Variants in CELF2 observed in about 807,000 individuals in gnomAD.
CELF2 encodes CUGBP Elav-like family member 2.
Under a neutral mutation model 62.6 loss-of-function variants are expected in CELF2, and 8 were observed. The ratio of observed to expected loss-of-function variants is 0.13; its 90% confidence interval spans 0.07 to 0.23. The LOEUF is 0.23. Ranked by LOEUF, CELF2 falls within the 10% of genes least tolerant of loss-of-function variation. The pLI is 1.00. For missense variants in CELF2, 333 were observed against 671.0 expected, an observed-to-expected ratio of 0.50 and a Z score of 5.56; for synonymous variants, 258 against 250.0, an observed-to-expected ratio of 1.03 and a Z score of -0.30.
the CELF2 span, among the ~76,000 whole-genome samples, chr10:10,721,863 T>C: frequency 6.6e-6 from 1 of 152,342 alleles, no homozygotes; most frequent in Non-Finnish European, 1.5e-5. Context: ...GAGCCTGGCA[T>C]GTGCAATGGG....
chr10:11,170,147 A>G (rs2068397648), intron 2 of CELF2, among the ~76,000 whole-genome samples: 1 of 152,190 alleles, frequency 6.6e-6, no homozygotes, highest in African/African-American at 2.4e-5. Flanking sequence ...TGTTCAGCAA[A>G]TGATAAGTTG....
chr10:10,700,333 T>C, the CELF2 span, among the ~76,000 whole-genome samples: 1 of 152,180 alleles, frequency 6.6e-6, no homozygotes, highest in African/African-American at 2.4e-5. Context: ...TCCAGTCACT[T>C]CCTTTTGGGA....
chr10:10,671,946 T>C, the CELF2 span, among the ~76,000 whole-genome samples: 1 of 152,130 alleles, frequency 6.6e-6, no homozygotes, highest in African/African-American at 2.4e-5. Flanking sequence ...GCCAGGCTGG[T>C]CTTGAACGCC....
the CELF2 span, among the ~76,000 whole-genome samples, chr10:10,584,630 T>C: frequency 6.6e-5 from 10 of 152,220 alleles, no homozygotes; most frequent in Non-Finnish European, 2.9e-5. Flanking sequence ...GTTTAATGCA[T>C]AGACACTGTA....
the CELF2 span, among the ~76,000 whole-genome samples, chr10:10,649,845 C>T: frequency 1.3e-5 from 2 of 152,160 alleles, no homozygotes; most frequent in Non-Finnish European, 2.9e-5. Context: ...AGAGTGATGC[C>T]TGAGAGGCTA....
the CELF2 span, among the ~76,000 whole-genome samples, chr10:10,561,890 C>T: frequency 6.6e-6 from 1 of 152,146 alleles, no homozygotes; most frequent in Admixed American, 6.5e-5. Context: ...TTCTTTTTCC[C>T]CCAGGGCCTA....
At position 11,142,963 on chromosome 10, in the gene CELF2, GGGGA is replaced by G. The variant is rs1485657486; in HGVS notation, c.75-22522_75-22519del. ...TGATTCTTCTGTCCTCCCTCCACTG[GGGGA>G]ACTCACTCCCCTCGTGATTCTTCTG... On this transcript the variant is annotated intron_variant, in intron 1 of 12. Transcript: ENST00000633077. Among the ~76,000 whole-genome samples, 280 of 150,520 alleles carry G rather than the reference GGGGA, an allele frequency of 1.9e-3. 5 individuals are homozygous for G. The highest frequency in any genetic ancestry group is 6.1e-3 in the African/African-American group (247 of 40,624).
the CELF2 span, among the ~76,000 whole-genome samples, chr10:10,593,936 G>A: frequency 1.3e-5 from 2 of 152,118 alleles, no homozygotes; most frequent in African/African-American, 2.4e-5. Context: ...TTACATATGG[G>A]GAGGCACATA....
In CELF2 at chr10:11,098,839, A is replaced by G. The variant is rs1374982462; in HGVS notation, c.75-66647A>G. ...TGGCTCTGCACCGGGTGATAATTCTACCTGGGCAGCAGGCCACGCGTGAGA... is the reference window on the plus strand; with the variant it reads ...TGGCTCTGCACCGGGTGATAATTCTGCCTGGGCAGCAGGCCACGCGTGAGA... On this transcript the variant is annotated intron_variant, in intron 1 of 12. Coordinates refer to ENST00000633077, the MANE Select transcript of CELF2 (RefSeq NM_001326342.2). This position sits in a 1 kb window ranked among gnomAD's most constrained non-coding sequence, Gnocchi z 4.0. 6.6e-6 allele frequency among the ~76,000 whole-genome samples: 1 copy of G among 152,150 alleles called. No homozygotes were observed.
chr10:10,842,257 G>A (rs895571622), intron 1 of CELF2, among the ~76,000 whole-genome samples: 1 of 151,690 alleles, frequency 6.6e-6, no homozygotes, highest in African/African-American at 2.4e-5. Context: ...TATTTCTTTT[G>A]TTCCAATCTG....
At chr10:10,575,528 T>C in the CELF2 span, among the ~76,000 whole-genome samples, 1 of 152,222 alleles carries the variant, frequency 6.6e-6, no homozygotes, top group African/African-American at 2.4e-5. Flanking sequence ...TTTGAGTTTT[T>C]TGTTTTCCCA....
chr10:10,603,867 A>G, the CELF2 span, among the ~76,000 whole-genome samples: 2 of 152,142 alleles, frequency 1.3e-5, no homozygotes, highest in Admixed American at 1.3e-4. Flanking sequence ...AATATAAATG[A>G]TAAAGGTTGG....
chr10:10,963,464 T>G (rs1382706047), intron 2 of CELF2, among the ~76,000 whole-genome samples: 1 of 152,230 alleles, frequency 6.6e-6, no homozygotes, highest in Non-Finnish European at 1.5e-5. Flanking sequence ...CTCTCACCAC[T>G]GACGGTTAGA....
At chr10:11,197,025 A>AAGGAAGGAAGGAAAGAAGGAAGGAAGG (rs1554936316) in intron 2 of CELF2, among the ~76,000 whole-genome samples, 2 of 26,048 alleles carry the variant, frequency 7.7e-5, no homozygotes, top group Non-Finnish European at 8.3e-5. Flanking sequence ...AGAAAGAAAG[A>AAGGAAGGAAGGAAAGAAGGAAGGAAGG]AAAGAAAGAA....
At chr10:11,079,756 T>G (rs552673780) in intron 1 of CELF2, among the ~76,000 whole-genome samples, 7 of 136,170 alleles carry the variant, frequency 5.1e-5, no homozygotes, top group African/African-American at 1.9e-4. Flanking sequence ...CCCCCCCTTT[T>G]TAGGCCATGG....
chr10:10,978,873 T>G (rs12260341), intron 2 of CELF2, among the ~76,000 whole-genome samples: 9,894 of 152,246 alleles, frequency 0.065, 1,097 homozygotes, highest in African/African-American at 0.23. Flanking sequence ...AAGCAAGGAA[T>G]AGCTTGATGG....
At chr10:10,570,497 G>A in the CELF2 span, among the ~76,000 whole-genome samples, 2 of 151,770 alleles carry the variant, frequency 1.3e-5, no homozygotes, top group Non-Finnish European at 2.9e-5. Flanking sequence ...ATAAATGAAA[G>A]AATAATACCA....
At chr10:11,257,601 G>A (rs1452872874) in intron 4 of CELF2, 137 bp from the exon 5 acceptor site, 3 of 853,948 alleles carry the variant, frequency 3.5e-6, no homozygotes, top group African/African-American at 1.7e-5. Context: ...GAGGACAGCT[G>A]GACGTCTGCA....
At chr10:10,744,021 T>A in the CELF2 span, among the ~76,000 whole-genome samples, 2 of 152,226 alleles carry the variant, frequency 1.3e-5, no homozygotes, top group South Asian at 2.1e-4. Flanking sequence ...CAGATTTTTT[T>A]AAATATTGAA....
Sources: gnomAD v4.1 joint callset for allele counts (sites outside exome capture counted in the v4.1 genomes callset) on GRCh38, gnomAD v4.1.1 for gene constraint, Gnocchi (gnomAD v3.1) non-coding constraint, MANE v1.5 for transcripts, NCBI Gene and HGNC (gene_info 2026-07-23, HGNC 2026-07-21) for gene names.